Variants in CCSER1 observed in about 807,000 individuals in gnomAD.
CCSER1 encodes the protein serine-rich coiled-coil domain-containing protein 1.
A neutral mutation model predicts 82.0 loss-of-function variants in CCSER1; 41 were observed. The ratio of observed to expected loss-of-function variants is 0.50; its 90% CI spans 0.39 to 0.65. The LOEUF (loss-of-function observed/expected upper bound fraction) is 0.65, where lower values mean the gene tolerates loss of function less well. Ranked by LOEUF, CCSER1 falls within the 30% of genes least tolerant of loss-of-function variation. CCSER1 has a pLI of 0.00. For synonymous variants in CCSER1, 414 were observed against 383.9 expected (o/e 1.08, Z -0.92); for missense variants, 1,119 against 1,064.2 (o/e 1.05, Z -0.72).
chr4:90,201,161 C>T (rs1054113947), intron 1 of CCSER1, among the ~76,000 whole-genome samples: 2 of 152,142 alleles, frequency 1.3e-5, no homozygotes, highest in Non-Finnish European at 2.9e-5. Flanking sequence ...CCTTACCATT[C>T]CTAGGGCAAA....
intron 10 of CCSER1, among the ~76,000 whole-genome samples, chr4:91,370,189 GA>G (rs1046435171): frequency 7.2e-5 from 11 of 151,986 alleles, no homozygotes; most frequent in African/African-American, 2.2e-4. Context: ...CACTTATAAA[GA>G]AAGACTGGGA....
chr4:91,512,100 T>G (rs2110117794), intron 10 of CCSER1, among the ~76,000 whole-genome samples: 1 of 152,272 alleles, frequency 6.6e-6, no homozygotes, highest in East Asian at 1.9e-4. Flanking sequence ...TAGTTCTCCT[T>G]GTAGAGATCT....
At chr4:91,246,022 A>G (rs1005618248) in intron 10 of CCSER1, among the ~76,000 whole-genome samples, 2 of 152,130 alleles carry the variant, frequency 1.3e-5, no homozygotes, top group African/African-American at 4.8e-5. Context: ...GAGCAAGAAG[A>G]AATCATCTGA....
At chr4:90,377,840 G>C (rs1748605152) in intron 3 of CCSER1, among the ~76,000 whole-genome samples, 1 of 151,970 alleles carries the variant, frequency 6.6e-6, no homozygotes, top group African/African-American at 2.4e-5. Flanking sequence ...AATTAACTGT[G>C]GGTGGAAAAT....
At chr4:91,368,182 CTA>C (rs1749776529) in intron 10 of CCSER1, among the ~76,000 whole-genome samples, 1 of 151,924 alleles carries the variant, frequency 6.6e-6, no homozygotes. Flanking sequence ...GAAGAGATAA[CTA>C]AAACTTTTAT....
chr4:91,065,975 G>A (rs979227443), intron 9 of CCSER1, among the ~76,000 whole-genome samples: 2 of 152,054 alleles, frequency 1.3e-5, no homozygotes, highest in Non-Finnish European at 2.9e-5. Flanking sequence ...TATATGAAGT[G>A]TACAATTACT....
intron 10 of CCSER1, among the ~76,000 whole-genome samples, chr4:91,153,827 T>C (rs1581661344): frequency 6.6e-6 from 1 of 151,862 alleles, no homozygotes; most frequent in African/African-American, 2.4e-5. Flanking sequence ...GAACTGCAAA[T>C]ATTACAGAAC....
At chr4:90,172,527 T>G (rs1731902372) in intron 1 of CCSER1, among the ~76,000 whole-genome samples, 1 of 151,940 alleles carries the variant, frequency 6.6e-6, no homozygotes, top group Non-Finnish European at 1.5e-5. Flanking sequence ...TTAAATATAC[T>G]AATTCATTTA....
chr4:90,837,874 TG>T (rs1762005314), intron 8 of CCSER1, among the ~76,000 whole-genome samples: 1 of 152,166 alleles, frequency 6.6e-6, no homozygotes, highest in Non-Finnish European at 1.5e-5. Flanking sequence ...TGATATTATA[TG>T]GGACAGTGTT....
intron 4 of CCSER1, among the ~76,000 whole-genome samples, chr4:90,464,463 G>A (rs1763356911): frequency 6.6e-6 from 1 of 152,190 alleles, no homozygotes; most frequent in Non-Finnish European, 1.5e-5. Flanking sequence ...TCCAGTAGTT[G>A]TTTAGTGACC....
At chr4:90,973,986 A>C (rs1356044233) in intron 9 of CCSER1, among the ~76,000 whole-genome samples, 1 of 151,460 alleles carries the variant, frequency 6.6e-6, no homozygotes, top group Non-Finnish European at 1.5e-5. Context: ...GCATGATCTC[A>C]CTCATATGGA....
chr4:90,714,125 G>T (rs915916976), intron 6 of CCSER1, among the ~76,000 whole-genome samples: 2 of 151,184 alleles, frequency 1.3e-5, no homozygotes, highest in Admixed American at 1.3e-4. Context: ...GCTTCTATTC[G>T]GCCATCTTGG....
At chr4:90,827,916 A>T (rs903424074) in intron 8 of CCSER1, among the ~76,000 whole-genome samples, 2 of 152,160 alleles carry the variant, frequency 1.3e-5, no homozygotes, top group Non-Finnish European at 2.9e-5. Flanking sequence ...CTGGTTATAG[A>T]GCCGAGGGGG....
chr4:91,391,685 G>A (rs1452260727), intron 10 of CCSER1, among the ~76,000 whole-genome samples: 1 of 152,070 alleles, frequency 6.6e-6, no homozygotes, highest in Non-Finnish European at 1.5e-5. Context: ...TTCTTGTTTA[G>A]TTCCATTGTG....
rs1192898860 is a variant in CCSER1, at chr4:91,014,622, T to C, written c.2173-71328T>C. On this transcript the variant is annotated intron_variant, in intron 9 of 10. Coordinates refer to ENST00000509176, the MANE Select transcript of CCSER1 (RefSeq NM_001145065.2). ...TACTAACTGCATGATGCAAACATTT[T>C]CTTGCTGCTTTTTAACAAAGCCAGA... is the stretch of plus-strand genomic sequence containing the variant. Among the ~76,000 whole-genome samples, 2 of 83,810 alleles carry C rather than the reference T, an allele frequency of 2.4e-5. 1 individual carries two copies. Among genetic ancestry groups the C allele is most frequent in the Non-Finnish European group, 7.0e-5 (2 of 28,516 alleles). 55.0% of individuals were successfully genotyped at this position (83,810 alleles called of 152,430 possible). A position where few individuals can be genotyped will look rare whatever the true frequency, so the allele number is the denominator to read the frequency against.
chr4:91,138,404 T>A (rs1269450851), intron 10 of CCSER1, among the ~76,000 whole-genome samples: 1 of 31,702 alleles, frequency 3.2e-5, no homozygotes, highest in African/African-American at 9.8e-5. Flanking sequence ...TGAAACTGGA[T>A]CCCTTCCTTA....
chr4:90,630,079 T>C (rs1392848054), intron 6 of CCSER1, among the ~76,000 whole-genome samples: 1 of 152,220 alleles, frequency 6.6e-6, no homozygotes, highest in Admixed American at 6.5e-5. Context: ...GGGCCTCTTA[T>C]TTTTGGCAAG....
intron 6 of CCSER1, among the ~76,000 whole-genome samples, chr4:90,651,335 A>G (rs1011317370): frequency 1.3e-5 from 2 of 152,210 alleles, no homozygotes; most frequent in Non-Finnish European, 2.9e-5. Context: ...TGGCACATAT[A>G]CACTATGGAA....
At chr4:91,292,691 T>G (rs1488859619) in intron 10 of CCSER1, among the ~76,000 whole-genome samples, 2 of 152,032 alleles carry the variant, frequency 1.3e-5, no homozygotes, top group Non-Finnish European at 2.9e-5. Flanking sequence ...TAGGCCTCAA[T>G]GTATTACAAT....
Sources: allele counts gnomAD v4.1 joint callset (sites outside exome capture counted in the v4.1 genomes callset), GRCh38; gene constraint gnomAD v4.1.1; transcripts MANE v1.5; gene names NCBI Gene and HGNC (gene_info 2026-07-23, HGNC 2026-07-21).